XPO4: variants seen among roughly 807,000 people sequenced by gnomAD.
XPO4 encodes exportin 4.
In XPO4, 39 loss-of-function variants were observed where a neutral mutation model predicts 143.0. The ratio of observed to expected loss-of-function variants is 0.27; its 90% CI spans 0.21 to 0.36. The LOEUF is 0.36. Ranked by LOEUF, XPO4 falls within the 10% of genes least tolerant of loss-of-function variation. XPO4 has a pLI of 1.00. For synonymous variants in XPO4, 439 were observed against 474.0 expected, an observed-to-expected ratio of 0.93 and a Z score of 0.96; for missense variants, 907 against 1,348.0, an observed-to-expected ratio of 0.67 and a Z score of 5.12.
At chr13:20,799,036 A>AG in intron 16 of XPO4, 129 bp downstream of exon 16, 1 of 906,900 alleles carries the variant, frequency 1.1e-6, no homozygotes, top group Non-Finnish European at 1.6e-6. Flanking sequence ...AAAAAAAAAA[A>AG]GAAAGAAAGA....
chr13:20,822,689 G>T lies in XPO4; in HGVS notation c.841-400C>A, dbSNP rs575417281. Among the ~76,000 whole-genome samples the T allele has an allele frequency of 1.6e-3, 240 of 152,276 alleles. 1 individual carries two copies. Among genetic ancestry groups the T allele is most frequent in the African/African-American group, 5.6e-3 (234 of 41,550 alleles). On this transcript the variant is annotated intron_variant, in intron 7 of 22. Coordinates refer to ENST00000255305, the MANE Select transcript of XPO4 (RefSeq NM_022459.5). Reference sequence around the variant, plus strand: ...AGACAAGTTCAATAAAGAGTATATAGATGCTGCTTTAGTGGAAGTAAACAG... The same window carrying T: ...AGACAAGTTCAATAAAGAGTATATATATGCTGCTTTAGTGGAAGTAAACAG...
At chr13:20,842,852 T>C in intron 6 of XPO4, 43 bp downstream of exon 6, 1 of 1,542,916 alleles carries the variant, frequency 6.5e-7, no homozygotes, top group Non-Finnish European at 8.8e-7. Context: ...AAGTCACCTA[T>C]GAAAATTACC....
At chr13:20,796,475 T>C (rs1000854532) in intron 17 of XPO4, among the ~76,000 whole-genome samples, 1 of 152,082 alleles carries the variant, frequency 6.6e-6, no homozygotes, top group African/African-American at 2.4e-5. Flanking sequence ...AGAATTTATA[T>C]TCAGGTGCAG....
intron 9 of XPO4, among the ~76,000 whole-genome samples, chr13:20,820,582 T>C (rs1224723745): frequency 6.6e-6 from 1 of 152,230 alleles, no homozygotes; most frequent in Non-Finnish European, 1.5e-5. Flanking sequence ...AAATGTTAAA[T>C]ACTTAAAATT....
intron 13 of XPO4, among the ~76,000 whole-genome samples, chr13:20,806,564 T>C (rs1228443436): frequency 4.7e-5 from 6 of 128,222 alleles, no homozygotes; most frequent in African/African-American, 2.0e-4. Flanking sequence ...TTTTTTTTTT[T>C]TTTTTTTGAG....
At chr13:20,891,699 CTAAAATACAAAAAAATAGCCAGG>C (rs1280771781) in intron 1 of XPO4, among the ~76,000 whole-genome samples, 62 of 151,884 alleles carry the variant, frequency 4.1e-4, no homozygotes, top group African/African-American at 1.5e-3. Flanking sequence ...CCTGTCTCTA[CTAAAATACAAAAAAATAGCCAGG>C]CGTGGCAGCG....
chr13:20,843,959 A>G (rs2060005070), intron 4 of XPO4, 73 bp from the exon 5 acceptor site: 2 of 1,059,452 alleles, frequency 1.9e-6, no homozygotes, highest in African/African-American at 3.1e-5. Context: ...ATTTGTTCAA[A>G]CATAATAGAA....
chr13:20,813,014 T>A (rs893598502), intron 9 of XPO4, among the ~76,000 whole-genome samples: 2 of 152,126 alleles, frequency 1.3e-5, no homozygotes, highest in Non-Finnish European at 2.9e-5. Flanking sequence ...TTCCGCAGGC[T>A]TAACAGGAAG....
At chr13:20,809,018 G>A in intron 11 of XPO4, 65 bp downstream of exon 11, 3 of 1,558,126 alleles carry the variant, frequency 1.9e-6, no homozygotes, top group Non-Finnish European at 2.6e-6. Flanking sequence ...AACACTTTAA[G>A]TGCTCTCCAG....
chr13:20,792,578 C>G (rs977378643), intron 18 of XPO4, among the ~76,000 whole-genome samples: 1 of 150,414 alleles, frequency 6.6e-6, no homozygotes, highest in Admixed American at 6.6e-5. Flanking sequence ...CAAAAACAAA[C>G]AAACAAATAA....
At chr13:20,884,001 G>C (rs1000781239) in intron 1 of XPO4, among the ~76,000 whole-genome samples, 11 of 152,088 alleles carry the variant, frequency 7.2e-5, no homozygotes, top group Admixed American at 5.2e-4. Context: ...CCCAACCTCA[G>C]GTGATCCGCA....
In XPO4 at chr13:20,783,494, G is replaced by A. The variant is rs1329206713; in HGVS notation, c.*228C>T. 2 of 544,188 alleles carry A rather than the reference G, an allele frequency of 3.7e-6. No individual in the cohort carries two copies. Among genetic ancestry groups the A allele is most frequent in the Non-Finnish European group, 6.5e-6 (2 of 307,644 alleles). The allele number at this position is 544,188 out of a possible 1,614,324, so 33.7% of individuals were successfully genotyped here. On this transcript the variant is annotated 3_prime_UTR_variant, in exon 23 of 23. Coordinates refer to ENST00000255305, the MANE Select transcript of XPO4 (RefSeq NM_022459.5). The stretch of plus-strand genomic sequence containing the variant: ...TTTGAAAATTTTAAATCACCATTCA[G>A]AATCTAAAAGACATATATATGACAG...
intron 15 of XPO4, 84 bp downstream of exon 15, chr13:20,800,072 G>A: frequency 6.7e-7 from 1 of 1,486,944 alleles, no homozygotes; most frequent in Non-Finnish European, 9.1e-7. Context: ...CCATTTGCCA[G>A]TTCAAAGGAC....
chr13:20,821,138 ATTG>A (rs1393969373), intron 9 of XPO4, among the ~76,000 whole-genome samples: 3 of 152,176 alleles, frequency 2.0e-5, no homozygotes, highest in African/African-American at 7.2e-5. Context: ...CATCTTCAGT[ATTG>A]TTATTGGTCT....
intron 1 of XPO4, among the ~76,000 whole-genome samples, chr13:20,900,804 G>C (rs1243964017): frequency 1.3e-5 from 2 of 151,526 alleles, no homozygotes; most frequent in Non-Finnish European, 3.0e-5. Flanking sequence ...TAGAGATGGG[G>C]CTTCACCGTG....
intron 11 of XPO4, 21 bp downstream of exon 11, chr13:20,809,062 G>A: frequency 6.2e-7 from 1 of 1,604,706 alleles, no homozygotes; most frequent in Non-Finnish European, 8.5e-7. Context: ...GCTCCATGGG[G>A]TTTCTTTGGA....
intron 1 of XPO4, among the ~76,000 whole-genome samples, chr13:20,901,534 A>G (rs1216394511): frequency 1.3e-5 from 2 of 152,222 alleles, no homozygotes; most frequent in Non-Finnish European, 1.5e-5. Flanking sequence ...GAAAACCTTC[A>G]CTAGTCTGTT....
chr13:20,812,073 A>T (rs2059589932), intron 9 of XPO4, among the ~76,000 whole-genome samples: 1 of 152,156 alleles, frequency 6.6e-6, no homozygotes, highest in Non-Finnish European at 1.5e-5. Flanking sequence ...GAAGATGTTG[A>T]TTAAGAATAA....
chr13:20,799,317 C>G lies in XPO4; in HGVS notation c.2170G>C (p.Glu724Gln), dbSNP rs781560060. Residue 724 changes from glutamate to glutamine, a missense_variant, in exon 16 of 23, where the codon GAG (glutamate) becomes CAG (glutamine). By Grantham distance (29) the Glu-to-Gln change is conservative. Transcript: ENST00000255305. ...RERANLVIQC[E>Q]NWWNLAKQFA... ...TGCTTAGCTAAATTCCACCAGTTCTCACATTGAATTACTAAGTTTGCCCTA... is the reference window on the plus strand; with the variant it reads ...TGCTTAGCTAAATTCCACCAGTTCTGACATTGAATTACTAAGTTTGCCCTA... The G allele has an allele frequency of 1.9e-6, 3 of 1,613,526 alleles. No individual in the cohort carries two copies. The highest frequency in any genetic ancestry group is 2.5e-6 in the Non-Finnish European group (3 of 1,179,622).
Sources: gnomAD v4.1 joint callset for allele counts (sites outside exome capture counted in the v4.1 genomes callset) on GRCh38, gnomAD v4.1.1 for gene constraint, MANE v1.5 for transcripts, NCBI Gene and HGNC (gene_info 2026-07-23, HGNC 2026-07-21) for gene names.